The following MYOF variants were observed in gnomAD, a reference collection of about 807,000 sequenced individuals.
The protein encoded by MYOF is myoferlin.
A neutral mutation model predicts 284.2 loss-of-function variants in MYOF; 244 were observed. That is an observed-to-expected ratio of 0.86 (90% CI 0.77 to 0.95). The LOEUF (loss-of-function observed/expected upper bound fraction) is 0.95. Among genes scored for constraint, MYOF ranks in the 40% least tolerant of loss-of-function variants. The pLI, the probability that MYOF is intolerant of heterozygous loss-of-function variation, is 0.00. For missense variants in MYOF, 2,496 were observed against 2,560.6 expected (o/e 0.97, Z 0.54); for synonymous variants, 904 against 919.7 (o/e 0.98, Z 0.31).
rs573876324 is a variant in MYOF, at chr10:93,357,821, A to G, written c.3121-973T>C. On this transcript the variant is annotated intron_variant, in intron 29 of 53. Transcript: ENST00000359263. ...CAGAAATACTCGTTAGAACTGGACC[A>G]TATCCTGAGCCTTCTAACTGATGGC... Among the ~76,000 whole-genome samples the G allele has an allele frequency of 4.4e-4, 67 of 152,320 alleles. 1 individual carries two copies. The highest frequency in any genetic ancestry group is 6.8e-3 in the Middle Eastern group (2 of 294).
chr10:93,338,053 A>G (rs1379548724), intron 39 of MYOF, 140 bp from the exon 40 acceptor site: 3 of 665,488 alleles, frequency 4.5e-6, no homozygotes, highest in Non-Finnish European at 7.9e-6. Context: ...TTTTGTTTAC[A>G]TGCACAATGG....
intron 3 of MYOF, among the ~76,000 whole-genome samples, chr10:93,443,679 C>T (rs2056345243): frequency 6.6e-6 from 1 of 152,164 alleles, no homozygotes; most frequent in African/African-American, 2.4e-5. Flanking sequence ...CAGGGCTCAC[C>T]TCATTTATCT....
intron 13 of MYOF, among the ~76,000 whole-genome samples, 153 bp downstream of exon 13, chr10:93,399,239 G>A (rs1026544303): frequency 1.3e-4 from 20 of 152,170 alleles, no homozygotes; most frequent in African/African-American, 3.4e-4. Flanking sequence ...GAAGTCTGGC[G>A]TGTTCAGACT....
At chr10:93,433,291 G>A (rs1429274272) in intron 3 of MYOF, among the ~76,000 whole-genome samples, 1 of 152,126 alleles carries the variant, frequency 6.6e-6, no homozygotes, top group Non-Finnish European at 1.5e-5. Context: ...TCGAGTAGCT[G>A]GGATTACAGG....
chr10:93,401,650 A>G (rs1193114482), intron 11 of MYOF, 106 bp from the exon 12 acceptor site: 17 of 1,455,574 alleles, frequency 1.2e-5, no homozygotes, highest in Admixed American at 3.9e-5. Context: ...TTCCATTAAG[A>G]TTTCCTGTGT....
intron 49 of MYOF, among the ~76,000 whole-genome samples, chr10:93,318,993 C>T (rs1162420653): frequency 1.3e-5 from 2 of 152,148 alleles, no homozygotes; most frequent in Non-Finnish European, 2.9e-5. Context: ...CCCAGATTTT[C>T]CTTAGCGGAC....
At chr10:93,321,515 C>T (rs1425935770) in intron 48 of MYOF, among the ~76,000 whole-genome samples, 3 of 146,238 alleles carry the variant, frequency 2.1e-5, no homozygotes, top group African/African-American at 7.5e-5. Flanking sequence ...CCTCAGACTT[C>T]TGAGTAGCTG....
At chr10:93,425,198 C>T (rs969230855) in intron 5 of MYOF, among the ~76,000 whole-genome samples, 2 of 151,992 alleles carry the variant, frequency 1.3e-5, no homozygotes, top group Non-Finnish European at 2.9e-5. Context: ...GCCTTGGCCT[C>T]CCAAAGTGTT....
chr10:93,365,988 A>G (rs1845306796), intron 26 of MYOF, among the ~76,000 whole-genome samples: 1 of 152,156 alleles, frequency 6.6e-6, no homozygotes, highest in Admixed American at 6.5e-5. Flanking sequence ...GCTGTGGGCA[A>G]TAAAGTTCTT....
chr10:93,327,325 T>C (rs1843095513), intron 45 of MYOF, among the ~76,000 whole-genome samples: 1 of 152,058 alleles, frequency 6.6e-6, no homozygotes, highest in Non-Finnish European at 1.5e-5. Context: ...CCACAGGAGA[T>C]GAGCCACCCA....
At chr10:93,390,890 C>T (rs535636333) in intron 17 of MYOF, among the ~76,000 whole-genome samples, 4 of 152,044 alleles carry the variant, frequency 2.6e-5, no homozygotes, top group Non-Finnish European at 5.9e-5. Flanking sequence ...GCACCATAGT[C>T]ATGTCACATT....
At chr10:93,427,599 T>TA (rs952367158) in intron 4 of MYOF, among the ~76,000 whole-genome samples, 13 of 140,358 alleles carry the variant, frequency 9.3e-5, no homozygotes, top group African/African-American at 3.2e-4. Flanking sequence ...TAAAATAGGA[T>TA]AAAAAAAGGA....
At chr10:93,480,255 A>T (rs1445440800) in intron 1 of MYOF, among the ~76,000 whole-genome samples, 1 of 152,158 alleles carries the variant, frequency 6.6e-6, no homozygotes, top group East Asian at 1.9e-4. Context: ...TTGTCCTTTA[A>T]GAGCCCAATT....
chr10:93,351,959 C>A (rs787624), intron 32 of MYOF, 113 bp from the exon 33 acceptor site: 365,563 of 991,556 alleles, frequency 0.37, 73,403 homozygotes, highest in Non-Finnish European at 0.41. Flanking sequence ...GGGCTCTGAC[C>A]ACCTGCCTGG....
chr10:93,409,526 G>A lies in MYOF; in HGVS notation c.600+47C>T, dbSNP rs749296279. The A allele has an allele frequency of 5.7e-6, 9 of 1,590,536 alleles. No individual in the cohort carries two copies. The South Asian group carries it at 1.0e-4, about 18-fold the overall frequency. ...CATCACTGCAATTGCCAGAAGATGGGCAATATAAAGATTAAACAAAGAAGC... is the reference window on the plus strand; with the variant it reads ...CATCACTGCAATTGCCAGAAGATGGACAATATAAAGATTAAACAAAGAAGC... On this transcript the variant is annotated intron_variant, in intron 6 of 53. Coordinates refer to ENST00000359263, the MANE Select transcript of MYOF (RefSeq NM_013451.4).
chr10:93,313,763 C>T (rs571411231), intron 50 of MYOF, among the ~76,000 whole-genome samples: 6 of 151,860 alleles, frequency 4.0e-5, no homozygotes, highest in African/African-American at 9.7e-5. Context: ...TAGCCGGGCA[C>T]GATGGCACAC....
At chr10:93,399,531 C>T in intron 12 of MYOF, 36 bp from the exon 13 acceptor site, 1 of 1,528,692 alleles carries the variant, frequency 6.5e-7, no homozygotes, top group Non-Finnish European at 8.9e-7. Flanking sequence ...AAATTAAATT[C>T]AATTCCCAGA....
intron 23 of MYOF, among the ~76,000 whole-genome samples, chr10:93,374,560 A>G (rs1589460442): frequency 1.3e-5 from 2 of 152,218 alleles, no homozygotes; most frequent in Non-Finnish European, 2.9e-5. Context: ...TCACCAACTC[A>G]AAATTCTTCC....
chr10:93,354,666 ACTCTCTCTCTCTCTCT>A (rs140255016), intron 31 of MYOF, among the ~76,000 whole-genome samples: 1 of 119,236 alleles, frequency 8.4e-6, no homozygotes, highest in African/African-American at 3.2e-5. Context: ...TCACACATTC[ACTCTCTCTCTCTCTCT>A]CTCTCTCTCT....
Sources: allele counts gnomAD v4.1 joint callset (sites outside exome capture counted in the v4.1 genomes callset), GRCh38; gene constraint gnomAD v4.1.1; transcripts MANE v1.5; gene names NCBI Gene and HGNC (gene_info 2026-07-23, HGNC 2026-07-21).